BICRA: variants seen among roughly 807,000 people sequenced by gnomAD.
BICRA encodes the protein BRD4-interacting chromatin-remodeling complex-associated protein.
A neutral mutation model predicts 96.9 loss-of-function variants in BICRA; 31 were observed. That is an observed-to-expected ratio of 0.32 (90% CI 0.24 to 0.43). The LOEUF (loss-of-function observed/expected upper bound fraction) is 0.43. Ranked by LOEUF, BICRA falls within the 20% of genes least tolerant of loss-of-function variation. The pLI, the probability that BICRA is intolerant of heterozygous loss-of-function variation, is 1.00. For missense variants in BICRA, 2,283 were observed against 2,190.3 expected (o/e 1.04, Z -0.84); for synonymous variants, 1,350 against 1,071.8 (o/e 1.26, Z -5.07).
intron 7 of BICRA, 85 bp downstream of exon 7, chr19:47,682,237 CT>C (rs1271314512): frequency 2.6e-5 from 16 of 617,330 alleles, no homozygotes; most frequent in African/African-American, 1.5e-4. Flanking sequence ...GCTCTCCGCC[CT>C]GCCTGCGTCT....
At chr19:47,668,894 T>C (rs1599837456) in intron 1 of BICRA, among the ~76,000 whole-genome samples, 1 of 147,732 alleles carries the variant, frequency 6.8e-6, no homozygotes, top group Admixed American at 7.0e-5. Flanking sequence ...CCGAGGTGGG[T>C]GGATCACTTG....
chr19:47,701,931 C>A lies in BICRA; in HGVS notation c.4199C>A (p.Ala1400Glu). The A allele has an allele frequency of 1.4e-6, 2 of 1,433,726 alleles. No individual in the cohort carries two copies. Among genetic ancestry groups the A allele is most frequent in the Non-Finnish European group, 1.8e-6 (2 of 1,103,318 alleles). The allele number at this position is 1,433,726 out of a possible 1,614,324, so 88.8% of individuals were successfully genotyped here. ...CGCGAGAACGTGGGGGGCCCTGGCG[C>A]GCCGGAGGGGACGCCCGCAGGCAGG... is the stretch of plus-strand genomic sequence containing the variant. ...TYRENVGGPG[A>E]PEGTPAGRAR... Residue 1400 changes from alanine to glutamate, a missense_variant, in exon 15 of 15, where the codon GCG (alanine) becomes GAG (glutamate). Ala to Glu is a moderately radical substitution (Grantham distance 107). Coordinates refer to ENST00000594866, the MANE Select transcript of BICRA (RefSeq NM_001394372.1). This position sits in a 1 kb window ranked among gnomAD's most constrained non-coding sequence, Gnocchi z 5.4.
At chr19:47,663,431 ATCC>A (rs1972732505) in intron 1 of BICRA, 1 of 152,166 alleles carries the variant, frequency 6.6e-6, no homozygotes, top group African/African-American at 2.4e-5. Context: ...CCCATCAACC[ATCC>A]TCTGCTGGTG....
chr19:47,701,537 T>G lies in BICRA; in HGVS notation c.3805T>G (p.Ser1269Ala), dbSNP rs1408598448. 7.1e-6 allele frequency: 11 copies of G among 1,548,690 alleles called. No homozygotes were observed. Among genetic ancestry groups the G allele is most frequent in the East Asian group, 4.9e-5 (2 of 40,788 alleles). Residue 1269 changes from serine (S) to alanine (A), a missense_variant, in exon 15 of 15, where the codon TCC becomes GCC. Physicochemically the swap from Ser to Ala is moderately conservative, Grantham distance 99. Transcript: ENST00000594866. The surrounding 1 kb of genome is among the most constrained non-coding windows in gnomAD (Gnocchi z 5.4). ...VTWARASSSL[S>A]SSSSSSSAAS... is the part of the protein sequence containing the mutation. ...CTGGGCCCGGGCGTCCTCCTCCCTG[T>G]CCTCCTCTTCCTCCTCCTCCTCTGC...
intron 9 of BICRA, 35 bp from the exon 10 acceptor site, chr19:47,695,330 G>T (rs1043359316): frequency 2.6e-6 from 2 of 782,696 alleles, no homozygotes; most frequent in African/African-American, 3.4e-5. Context: ...TGCAGTGACC[G>T]CAGGCCCTGT....
At chr19:47,644,567 C>A (rs1972432120) in intron 1 of BICRA, among the ~76,000 whole-genome samples, 1 of 151,276 alleles carries the variant, frequency 6.6e-6, no homozygotes, top group South Asian at 2.1e-4. Context: ...GTGGCACACT[C>A]TCAGCTCACT....
chr19:47,627,472 C>T (rs958782200), intron 1 of BICRA, among the ~76,000 whole-genome samples: 1 of 152,126 alleles, frequency 6.6e-6, no homozygotes, highest in Non-Finnish European at 1.5e-5. Flanking sequence ...AAATTCAGGC[C>T]GTTTCAGACC....
chr19:47,656,989 G>A (rs1170693991), intron 1 of BICRA, among the ~76,000 whole-genome samples: 3 of 152,070 alleles, frequency 2.0e-5, no homozygotes, highest in African/African-American at 7.2e-5. Flanking sequence ...AGCCTCCCGA[G>A]TAGCTGGGAC....
chr19:47,624,585 T>C (rs1171136944), intron 1 of BICRA, among the ~76,000 whole-genome samples: 1 of 152,140 alleles, frequency 6.6e-6, no homozygotes, highest in Non-Finnish European at 1.5e-5. Context: ...ATGATGCAGA[T>C]AGACTCACTG....
intron 1 of BICRA, among the ~76,000 whole-genome samples, chr19:47,658,298 G>T (rs777458008): frequency 6.6e-6 from 1 of 152,052 alleles, no homozygotes; most frequent in Non-Finnish European, 1.5e-5. Flanking sequence ...GAGAAGACTC[G>T]GTGGGACCAC....
At chr19:47,638,851 C>T (rs923577695) in intron 1 of BICRA, among the ~76,000 whole-genome samples, 9 of 152,046 alleles carry the variant, frequency 5.9e-5, no homozygotes, top group African/African-American at 1.7e-4. Flanking sequence ...AACGGGGTTT[C>T]ACCATGTTGG....
At chr19:47,623,063 A>G (rs1262664703) in intron 1 of BICRA, among the ~76,000 whole-genome samples, 2 of 151,688 alleles carry the variant, frequency 1.3e-5, no homozygotes, top group South Asian at 2.1e-4. Context: ...GTGTGTGTGT[A>G]CTCTCATATA....
chr19:47,702,070 C>G lies in BICRA; in HGVS notation c.4338C>G (p.Gly1446=). 6.6e-7 allele frequency: 1 copy of G among 1,510,836 alleles called. No individual in the cohort carries two copies. Among genetic ancestry groups the G allele is most frequent in the Non-Finnish European group, 8.8e-7 (1 of 1,137,970 alleles). The allele number at this position is 1,510,836 out of a possible 1,614,324, so 93.6% of individuals were successfully genotyped here. ...EDELYQRMLK[G]PPPEPAASAA... The stretch of plus-strand genomic sequence containing the variant: ...AGCTGTACCAGCGTATGCTGAAGGG[C>G]CCCCCGCCAGAGCCCGCAGCCAGCG... Residue 1446 remains glycine, a synonymous_variant, in exon 15 of 15, where the codon GGC becomes GGG. Transcript: ENST00000594866.
rs1396160700 is a variant in BICRA, at chr19:47,679,464, C to T, written c.294C>T (p.Asp98=). The change falls in exon 6 of 15, where the codon GAC becomes GAT. Residue 98 remains aspartate, a synonymous_variant. Transcript: ENST00000594866. ...GGGGGGSGGA[D]QPCDILQQSL... ...GCGGCGGGGGCAGTGGGGGCGCTGA[C>T]CAGCCCTGTGACATCCTCCAGCAGA... 2.6e-6 allele frequency: 4 copies of T among 1,522,768 alleles called. No individual in the cohort carries two copies. The highest frequency in any genetic ancestry group is 2.5e-5 in the South Asian group (2 of 80,062). The allele number at this position is 1,522,768 out of a possible 1,614,324, so 94.3% of individuals were successfully genotyped here.
intron 1 of BICRA, among the ~76,000 whole-genome samples, chr19:47,630,015 T>C (rs972477429): frequency 1.3e-5 from 2 of 152,278 alleles, no homozygotes; most frequent in African/African-American, 2.4e-5. Context: ...TACTTTAATA[T>C]TGTGTAACTG....
intron 7 of BICRA, among the ~76,000 whole-genome samples, chr19:47,692,900 A>G (rs1302487746): frequency 2.0e-5 from 3 of 152,190 alleles, no homozygotes; most frequent in Non-Finnish European, 4.4e-5. Context: ...GCCTGAACTC[A>G]GTCAGCTTTG....
rs1393985906 is a variant in BICRA at position 47,688,125 on chromosome 19, C to T, written c.2283+5973C>T. On this transcript the variant is annotated intron_variant, in intron 7 of 14. Coordinates refer to ENST00000594866, the MANE Select transcript of BICRA (RefSeq NM_001394372.1). The stretch of plus-strand genomic sequence containing the variant: ...TCTTGCCGCCTCCACGTGGGGCTCT[C>T]GAAATCTCTTGGAAGCTGGGCGTGG... Among the ~76,000 whole-genome samples the T allele has an allele frequency of 3.3e-5, 5 of 152,030 alleles. No individual in the cohort carries two copies. The East Asian group carries it at 5.8e-4, about 18-fold the overall frequency.
chr19:47,669,097 C>T (rs1401162624), intron 1 of BICRA, among the ~76,000 whole-genome samples: 1 of 151,564 alleles, frequency 6.6e-6, no homozygotes, highest in Non-Finnish European at 1.5e-5. Context: ...GAGCAAGACT[C>T]ACACACACAA....
At chr19:47,681,432 G>T (rs1973057941) in intron 6 of BICRA, among the ~76,000 whole-genome samples, 156 bp downstream of exon 6, 1 of 152,204 alleles carries the variant, frequency 6.6e-6, no homozygotes, top group Non-Finnish European at 1.5e-5. Flanking sequence ...CTAAGAGGAG[G>T]CCCGAAGGGT....
Sources: gnomAD v4.1 joint callset for allele counts (sites outside exome capture counted in the v4.1 genomes callset) on GRCh38, gnomAD v4.1.1 for gene constraint, Gnocchi (gnomAD v3.1) non-coding constraint, MANE v1.5 for transcripts, NCBI Gene and HGNC (gene_info 2026-07-23, HGNC 2026-07-21) for gene names.